Variants in RYR1 observed in about 807,000 individuals in gnomAD.
RYR1 encodes ryanodine receptor 1, also known as central core disease of muscle.
A neutral mutation model predicts 583.5 loss-of-function variants in RYR1; 342 were observed. That is an observed-to-expected ratio of 0.59 (90% CI 0.54 to 0.64). The LOEUF (loss-of-function observed/expected upper bound fraction) is 0.64, where lower values mean the gene tolerates loss of function less well. RYR1 is among the 30% of genes least tolerant of loss of function. The pLI, the probability that RYR1 is intolerant of heterozygous loss-of-function variation, is 0.00. For synonymous variants in RYR1, 2,791 were observed against 2,822.5 expected (o/e 0.99, Z 0.35); for missense variants, 6,032 against 6,917.2 (o/e 0.87, Z 4.54).
chr19:38,528,962 G>A lies in RYR1; in HGVS notation c.11046G>A (p.Glu3682=), dbSNP rs1568542729. Residue 3682 remains glutamate, a synonymous_variant, in exon 76 of 106, where the codon GAG becomes GAA. Transcript: ENST00000359596. ...RMIDDLSKAG[E]QEEEEEEVEE... ...CCCTCTCCCACCAGAAAGCTGGGGA[G>A]CAGGAGGAGGAGGAGGAAGAGGTGG... The A allele has an allele frequency of 1.9e-6, 3 of 1,609,088 alleles. No individual in the cohort carries two copies. Among genetic ancestry groups the A allele is most frequent in the East Asian group, 4.5e-5 (2 of 44,806 alleles).
chr19:38,580,415 A>G lies in RYR1; in HGVS notation c.14557A>G (p.Thr4853Ala). The change falls in exon 101 of 106, where the codon ACC (threonine) becomes GCC (alanine). Residue 4853 changes from threonine to alanine, a missense_variant. By Grantham distance (58) the Thr-to-Ala change is moderately conservative. Transcript: ENST00000359596. ...GLLAVVVYLY[T>A]VVAFNFFRKF... Reference sequence around the variant, plus strand: ...TCTGGCGGTGGTCGTCTACCTGTACACCGTGGTGGCCTTCAACTTCTTCCG... The same window carrying G: ...TCTGGCGGTGGTCGTCTACCTGTACGCCGTGGTGGCCTTCAACTTCTTCCG... 1 of 1,614,044 alleles carries G rather than the reference A, an allele frequency of 6.2e-7. No individual in the cohort carries two copies. Among genetic ancestry groups the G allele is most frequent in the Non-Finnish European group, 8.5e-7 (1 of 1,179,998 alleles).
At chr19:38,465,204 C>G (rs1395593841) in intron 23 of RYR1, among the ~76,000 whole-genome samples, 3 of 152,096 alleles carry the variant, frequency 2.0e-5, no homozygotes, top group East Asian at 3.8e-4. Context: ...GGTGAGGTGG[C>G]TCACACCTGT....
chr19:38,452,930 G>A lies in RYR1; in HGVS notation c.1356G>A (p.Glu452=). ...TGCAGGACCTCATCATCTACTTCGA[G>A]CCTCCCTCCGAGGACTTGCAGCACG... ...LSLQDLIIYF[E]PPSEDLQHEE... The change falls in exon 13 of 106, where the codon GAG becomes GAA. Residue 452 remains glutamate (E), a synonymous_variant. Coordinates refer to ENST00000359596, the MANE Select transcript of RYR1 (RefSeq NM_000540.3). 1.2e-6 allele frequency: 2 copies of A among 1,613,984 alleles called. No individual in the cohort carries two copies. Among genetic ancestry groups the A allele is most frequent in the Non-Finnish European group, 1.7e-6 (2 of 1,179,882 alleles).
chr19:38,448,366 G>A lies in RYR1; in HGVS notation c.812G>A (p.Ser271Asn), dbSNP rs1417807360. The change falls in exon 10 of 106, where the codon AGC becomes AAC. Residue 271 changes from serine (S) to asparagine (N), a missense_variant. This residue lies in a region of RYR1 where 338 missense variants were observed against 441.6 expected (regional missense o/e 0.77). Coordinates refer to ENST00000359596, the MANE Select transcript of RYR1 (RefSeq NM_000540.3). ...CTCACCCTCCACAGCTGGAGTGGGA[G>A]CCACCTGCGCTGGGGCCAGCCACTC... Reference protein sequence around the residue: ...LEPLRISWSGSHLRWGQPLRV... With the variant: ...LEPLRISWSGNHLRWGQPLRV... 1.2e-6 allele frequency: 2 copies of A among 1,609,112 alleles called. No homozygotes were observed. Among genetic ancestry groups the A allele is most frequent in the East Asian group, 2.2e-5 (1 of 44,902 alleles).
rs1970953060 is a variant in RYR1, at chr19:38,516,075, C to T, written c.9555-12C>T. ...GGGACACGTGGCAGCTAAACACAGC[C>T]CCGTCTTCCAGGCTTCGGCCAGCCC... is the stretch of plus-strand genomic sequence containing the variant. On this transcript the variant is annotated splice_polypyrimidine_tract_variant and intron_variant, in intron 64 of 105. Transcript: ENST00000359596. The T allele has an allele frequency of 1.3e-6, 2 of 1,546,612 alleles. No homozygotes were observed. Among genetic ancestry groups the T allele is most frequent in the African/African-American group, 1.4e-5 (1 of 72,996 alleles).
chr19:38,562,687 A>G (rs1040500081), intron 90 of RYR1, among the ~76,000 whole-genome samples: 1 of 152,006 alleles, frequency 6.6e-6, no homozygotes, highest in East Asian at 1.9e-4. Flanking sequence ...CGCACACTGC[A>G]TAACTGCAGG....
intron 63 of RYR1, among the ~76,000 whole-genome samples, chr19:38,514,522 C>T (rs1413990423): frequency 6.6e-6 from 1 of 151,882 alleles, no homozygotes; most frequent in Non-Finnish European, 1.5e-5. Flanking sequence ...CTCAGGTGAT[C>T]CGTCCACCTC....
chr19:38,575,414 C>T (rs1270340193), intron 96 of RYR1, among the ~76,000 whole-genome samples: 1 of 152,192 alleles, frequency 6.6e-6, no homozygotes. Flanking sequence ...AATCCCAGCA[C>T]TTTGGGAGGC....
intron 89 of RYR1, among the ~76,000 whole-genome samples, chr19:38,556,144 G>A (rs1386124084): frequency 1.3e-5 from 2 of 151,726 alleles, no homozygotes; most frequent in Non-Finnish European, 2.9e-5. Flanking sequence ...GATTACAGGC[G>A]TGAGTCACCA....
chr19:38,446,682 C>G lies in RYR1; in HGVS notation c.726-12C>G, dbSNP rs757598882. 3.1e-5 allele frequency: 50 copies of G among 1,613,460 alleles called. No individual in the cohort carries two copies. Among genetic ancestry groups the G allele is most frequent in the Non-Finnish European group, 4.2e-5 (50 of 1,179,386 alleles). ...GCTGAACCCTTGACTTCACTCTCTTCTGTGTCCCCAGACTTGTCTACTATG... is the reference window on the plus strand; with the variant it reads ...GCTGAACCCTTGACTTCACTCTCTTGTGTGTCCCCAGACTTGTCTACTATG... On this transcript the variant is annotated splice_polypyrimidine_tract_variant and intron_variant, in intron 8 of 105. Coordinates refer to ENST00000359596, the MANE Select transcript of RYR1 (RefSeq NM_000540.3).
chr19:38,517,246 CTG>C, intron 65 of RYR1, 111 bp from the exon 66 acceptor site: 4 of 1,073,142 alleles, frequency 3.7e-6, no homozygotes. Context: ...GTTTGGGAGA[CTG>C]TTTAAGGGGG....
rs144735093 is a variant in RYR1, at chr19:38,491,773, A to G, written c.6128-717A>G. On this transcript the variant is annotated intron_variant, in intron 37 of 105. Coordinates refer to ENST00000359596, the MANE Select transcript of RYR1 (RefSeq NM_000540.3). Reference sequence around the variant, plus strand: ...ACTTTTCTGTTCTTCAGGCTAGACAATCTCTATGTCCTATCTTCAAGTTCA... The same window carrying G: ...ACTTTTCTGTTCTTCAGGCTAGACAGTCTCTATGTCCTATCTTCAAGTTCA... Among the ~76,000 whole-genome samples, 586 of 152,102 alleles carry G rather than the reference A, an allele frequency of 3.9e-3. 2 individuals are homozygous for G. The highest frequency in any genetic ancestry group is 4.5e-3 in the Non-Finnish European group (304 of 67,986).
chr19:38,530,429 TA>T (rs1478557343), intron 76 of RYR1, among the ~76,000 whole-genome samples: 102 of 141,988 alleles, frequency 7.2e-4, no homozygotes, highest in African/African-American at 2.3e-3. Context: ...CATGCCTGGC[TA>T]TTTTTTTTTT....
At chr19:38,457,929 C>A in intron 17 of RYR1, 122 bp from the exon 18 acceptor site, 1 of 1,040,688 alleles carries the variant, frequency 9.6e-7, no homozygotes, top group Non-Finnish European at 1.5e-6. Flanking sequence ...TGTCTTTCTC[C>A]CTGTCTCTCT....
At chr19:38,579,462 C>T (rs1252824385) in intron 99 of RYR1, among the ~76,000 whole-genome samples, 1 of 151,492 alleles carries the variant, frequency 6.6e-6, no homozygotes, top group Non-Finnish European at 1.5e-5. Context: ...GTGTGGTTAC[C>T]CACACCTGTG....
At chr19:38,519,080 C>A in intron 66 of RYR1, 134 bp from the exon 67 acceptor site, 1 of 1,447,622 alleles carries the variant, frequency 6.9e-7, no homozygotes, top group Non-Finnish European at 9.6e-7. Context: ...GGACTATATC[C>A]AAGGTTAGGG....
chr19:38,585,369 G>GATATATATATATAT lies in RYR1; in HGVS notation c.14803+275_14803+288dup, dbSNP rs3039200. ...ATATGAGTGCTCAATAAAGGCCTGA[G>GATATATATATATAT]ATATATATATATATATATGTTTATT... On this transcript the variant is annotated intron_variant, in intron 102 of 105. Coordinates refer to ENST00000359596, the MANE Select transcript of RYR1 (RefSeq NM_000540.3). Among the ~76,000 whole-genome samples the GATATATATATATAT allele has an allele frequency of 4.4e-3, 622 of 141,012 alleles. 8 individuals carry two copies. The highest frequency in any genetic ancestry group is 0.016 in the African/African-American group (599 of 38,410). The allele number at this position is 141,012 out of a possible 152,430, so 92.5% of individuals were successfully genotyped here.
At chr19:38,471,899 CAAAAAAA>C (rs35479919) in intron 27 of RYR1, among the ~76,000 whole-genome samples, 1 of 60,000 alleles carries the variant, frequency 1.7e-5, no homozygotes, top group Non-Finnish European at 3.6e-5. Flanking sequence ...GACTCTGTCT[CAAAAAAA>C]AAAAAAAAAA....
chr19:38,501,109 TC>T, intron 47 of RYR1, 119 bp downstream of exon 47: 2 of 909,876 alleles, frequency 2.2e-6, no homozygotes, highest in South Asian at 2.9e-5. Context: ...CATATCATAA[TC>T]CCCAATACCA....
Sources: gnomAD v4.1 joint callset for allele counts (sites outside exome capture counted in the v4.1 genomes callset) on GRCh38, gnomAD v4.1.1 for gene constraint, gnomAD v4.1.1 regional missense constraint, MANE v1.5 for transcripts, NCBI Gene and HGNC (gene_info 2026-07-23, HGNC 2026-07-21) for gene names.